COL4A1: variants seen among roughly 807,000 people sequenced by gnomAD.
COL4A1 encodes the protein collagen alpha-1(IV) chain.
Under a neutral mutation model 216.6 loss-of-function variants are expected in COL4A1, and 40 were observed. The observed-to-expected ratio is 0.18, with a 90% CI of 0.14 to 0.24. The LOEUF (loss-of-function observed/expected upper bound fraction) is 0.24. Among genes scored for constraint, COL4A1 ranks in the 10% least tolerant of loss-of-function variants. The probability of loss-of-function intolerance (pLI) is 1.00; values close to 1 mark genes in which losing one functional copy is unlikely to be tolerated. For synonymous variants in COL4A1, 839 were observed against 810.7 expected (o/e 1.03, Z -0.59); for missense variants, 1,628 against 2,196.8 (o/e 0.74, Z 5.18).
At chr13:110,232,797 C>A (rs916869089) in intron 2 of COL4A1, among the ~76,000 whole-genome samples, 1 of 151,944 alleles carries the variant, frequency 6.6e-6, no homozygotes, top group Admixed American at 6.6e-5. Flanking sequence ...GAAACAGAAT[C>A]GGCTCCCTAT....
intron 21 of COL4A1, among the ~76,000 whole-genome samples, chr13:110,197,105 C>T (rs1878933223): frequency 6.6e-6 from 1 of 152,140 alleles, no homozygotes; most frequent in African/African-American, 2.4e-5. Flanking sequence ...TGCAAAATTA[C>T]GAACATCCAA....
intron 2 of COL4A1, among the ~76,000 whole-genome samples, chr13:110,215,572 A>AC (rs1490645089): frequency 7.9e-6 from 1 of 126,998 alleles, no homozygotes; most frequent in Admixed American, 7.6e-5. Context: ...AAAAAAAAAA[A>AC]AAAACAACAA....
chr13:110,217,021 G>A (rs1174012905), intron 2 of COL4A1, among the ~76,000 whole-genome samples: 5 of 152,158 alleles, frequency 3.3e-5, no homozygotes, highest in African/African-American at 1.2e-4. Flanking sequence ...GAGCTAAGAA[G>A]GAAGTGACTC....
intron 13 of COL4A1, 86 bp from the exon 14 acceptor site, chr13:110,206,977 A>C: frequency 7.0e-7 from 1 of 1,421,920 alleles, no homozygotes; most frequent in African/African-American, 1.4e-5. Context: ...CAGAAAAAAA[A>C]AAAACCTTTT....
At chr13:110,231,637 T>A (rs1220250556) in intron 2 of COL4A1, among the ~76,000 whole-genome samples, 1 of 152,152 alleles carries the variant, frequency 6.6e-6, no homozygotes, top group South Asian at 2.1e-4. Flanking sequence ...GCTCCAGGAC[T>A]GCCGCTGGCC....
intron 18 of COL4A1, among the ~76,000 whole-genome samples, chr13:110,202,010 G>A (rs1317070440): frequency 2.0e-5 from 3 of 152,080 alleles, no homozygotes; most frequent in African/African-American, 4.8e-5. Context: ...CAACAACAAC[G>A]AAAGCATATG....
chr13:110,179,117 C>T, intron 30 of COL4A1, 81 bp from the exon 31 acceptor site: 1 of 1,529,656 alleles, frequency 6.5e-7, no homozygotes, highest in Non-Finnish European at 9.0e-7. Flanking sequence ...ACACGAATGG[C>T]CCCAGCAACG....
At chr13:110,247,008 A>G (rs1273142684) in intron 1 of COL4A1, among the ~76,000 whole-genome samples, 2 of 152,210 alleles carry the variant, frequency 1.3e-5, no homozygotes, top group Non-Finnish European at 2.9e-5. Flanking sequence ...AAAGCAGACC[A>G]GCCATGGACA....
chr13:110,185,619 T>G (rs990165205), intron 26 of COL4A1, among the ~76,000 whole-genome samples: 7 of 152,184 alleles, frequency 4.6e-5, no homozygotes, highest in African/African-American at 1.7e-4. Flanking sequence ...TCCGGGATTT[T>G]CTAGGGAAGA....
In COL4A1 at chr13:110,174,769, A is replaced by G; in HGVS notation, c.3199-20T>C. ...ATCTCCCTGCAAGTAAAAGTCAGGCATATTAACTTTACATTTGTCCATGGG... is the reference window on the plus strand; with the variant it reads ...ATCTCCCTGCAAGTAAAAGTCAGGCGTATTAACTTTACATTTGTCCATGGG... On this transcript the variant is annotated intron_variant, in intron 37 of 51. Transcript: ENST00000375820. 6.2e-7 allele frequency: 1 copy of G among 1,611,518 alleles called. No individual in the cohort carries two copies. Among genetic ancestry groups the G allele is most frequent in the Middle Eastern group, 1.7e-4 (1 of 6,058 alleles).
intron 1 of COL4A1, chr13:110,266,204 A>G (rs955679849): frequency 6.6e-6 from 1 of 152,250 alleles, no homozygotes; most frequent in Non-Finnish European, 1.5e-5. Flanking sequence ...CTATTCCCCA[A>G]TTCAGCTGTT....
chr13:110,179,353 G>A lies in COL4A1; in HGVS notation c.2262C>T (p.Pro754=), dbSNP rs750538499. 1.1e-5 allele frequency: 18 copies of A among 1,614,036 alleles called. No homozygotes were observed. Among genetic ancestry groups the A allele is most frequent in the Middle Eastern group, 1.6e-4 (1 of 6,062 alleles). Residue 754 remains proline, a synonymous_variant, in exon 30 of 52, where the codon CCC becomes CCT. Transcript: ENST00000375820. The part of the protein sequence containing the change: ...LPGLPGIPGT[P]GEKGSIGVPG... ...GTACCCCAATGCTCCCCTTCTCCCCGGGTGTGCCAGGAATGCCGGGAAGAC... is the reference window on the plus strand; with the variant it reads ...GTACCCCAATGCTCCCCTTCTCCCCAGGTGTGCCAGGAATGCCGGGAAGAC...
At chr13:110,178,297 C>T (rs1218366509) in intron 31 of COL4A1, 66 bp from the exon 32 acceptor site, 1 of 1,595,928 alleles carries the variant, frequency 6.3e-7, no homozygotes, top group Admixed American at 1.7e-5. Context: ...ATGTACAGTG[C>T]TCTGTTTAAC....
intron 1 of COL4A1, among the ~76,000 whole-genome samples, chr13:110,247,836 G>GTGTGT (rs1566411252): frequency 0.042 from 3,263 of 78,510 alleles, 185 homozygotes; most frequent in African/African-American, 0.058. Flanking sequence ...TGTGTGTGTG[G>GTGTGT]CAGAGAGAGA....
intron 49 of COL4A1, 172 bp downstream of exon 49, chr13:110,161,020 A>T (rs564100732): frequency 1.3e-6 from 1 of 788,982 alleles, no homozygotes; most frequent in Non-Finnish European, 2.0e-6. Flanking sequence ...ACTGACTTTT[A>T]TGTCAAATAA....
intron 2 of COL4A1, among the ~76,000 whole-genome samples, chr13:110,232,199 G>A (rs1881093925): frequency 6.6e-6 from 1 of 152,188 alleles, no homozygotes; most frequent in Non-Finnish European, 1.5e-5. Flanking sequence ...TAAGCTATAT[G>A]AAGTATACTT....
In COL4A1 at chr13:110,155,390, C is replaced by A. The variant is rs774251351; in HGVS notation, c.4648G>T (p.Val1550Leu). Residue 1550 changes from valine (V) to leucine (L), a missense_variant, in exon 50 of 52, where the codon GTG becomes TTG. By Grantham distance (32) the Val-to-Leu change is conservative (BLOSUM62 1). This residue lies in a region of COL4A1 where 254 missense variants were observed against 300.1 expected (regional missense o/e 0.85). Coordinates refer to ENST00000375820, the MANE Select transcript of COL4A1 (RefSeq NM_001845.6). ...ATCACCATGGCAGGCGCCTCACACA[C>A]AGCACACCTGGAAGTGGAGCAGAGA... ...NIRPFISRCA[V>L]CEAPAMVMAV... The A allele has an allele frequency of 6.2e-7, 1 of 1,613,664 alleles. No individual in the cohort carries two copies. Among genetic ancestry groups the A allele is most frequent in the Non-Finnish European group, 8.5e-7 (1 of 1,179,644 alleles).
At chr13:110,206,397 G>A (rs1879516692) in intron 15 of COL4A1, among the ~76,000 whole-genome samples, 1 of 152,212 alleles carries the variant, frequency 6.6e-6, no homozygotes, top group Non-Finnish European at 1.5e-5. Flanking sequence ...AGGTTTCAGG[G>A]ATGGCCCAGG....
intron 2 of COL4A1, among the ~76,000 whole-genome samples, chr13:110,225,271 G>A (rs996013135): frequency 2.0e-5 from 3 of 152,194 alleles, no homozygotes; most frequent in Admixed American, 2.0e-4. Context: ...GATGGCACAG[G>A]GTAGGTACTC....
Sources: gnomAD v4.1 joint callset for allele counts (sites outside exome capture counted in the v4.1 genomes callset) on GRCh38, gnomAD v4.1.1 for gene constraint, gnomAD v4.1.1 regional missense constraint, MANE v1.5 for transcripts, NCBI Gene and HGNC (gene_info 2026-07-23, HGNC 2026-07-21) for gene names.